ASTN2: variants seen among roughly 807,000 people sequenced by gnomAD.
ASTN2 encodes astrotactin 2.
A neutral mutation model predicts 139.8 loss-of-function variants in ASTN2; 54 were observed. That is an observed-to-expected ratio of 0.39 (90% CI 0.31 to 0.48). The LOEUF is 0.48. ASTN2 is among the 20% of genes least tolerant of loss of function. ASTN2 has a pLI of 0.95. For missense variants in ASTN2, 1,565 were observed against 1,725.1 expected, an observed-to-expected ratio of 0.91 and a Z score of 1.64; for synonymous variants, 756 against 719.5, an observed-to-expected ratio of 1.05 and a Z score of -0.81.
chr9:116,493,566 G>A (rs560602396), intron 19 of ASTN2, among the ~76,000 whole-genome samples: 86 of 152,086 alleles, frequency 5.7e-4, no homozygotes, highest in Non-Finnish European at 7.1e-4. Flanking sequence ...ACAAAGCATG[G>A]ATCAATTTTT....
intron 10 of ASTN2, among the ~76,000 whole-genome samples, chr9:116,909,889 T>C (rs747088971): frequency 1.1e-4 from 17 of 152,164 alleles, no homozygotes; most frequent in Non-Finnish European, 2.5e-4. Flanking sequence ...ATGGAGGTCA[T>C]TGGGAACATC....
At chr9:117,192,141 CAG>C (rs1831366181) in intron 3 of ASTN2, among the ~76,000 whole-genome samples, 1 of 152,064 alleles carries the variant, frequency 6.6e-6, no homozygotes. Flanking sequence ...GGATGGCTAT[CAG>C]GGGATGCCAA....
intron 13 of ASTN2, among the ~76,000 whole-genome samples, chr9:116,765,078 A>G (rs1458580113): frequency 6.6e-6 from 1 of 152,154 alleles, no homozygotes; most frequent in East Asian, 1.9e-4. Flanking sequence ...AATACGTGCT[A>G]ATGACAAATT....
Position 117,214,608 on chromosome 9 carries a change from G to A in ASTN2, c.765C>T (p.Ile255=), listed in dbSNP as rs1245102894. 1 of 1,596,672 alleles carries A rather than the reference G, an allele frequency of 6.3e-7. No individual in the cohort carries two copies. The highest frequency in any genetic ancestry group is 1.1e-5 in the South Asian group (1 of 90,118). The change falls in exon 3 of 23, where the codon ATC becomes ATT. Residue 255 remains isoleucine, a synonymous_variant. Coordinates refer to ENST00000313400, the MANE Select transcript of ASTN2 (RefSeq NM_001365068.1). ...CCTGGGGACCCAGCAGCACAGATGG[G>A]ATGTAGTGGATCTCATGAGTGGCTT... ...STEATHEIHY[I]PSVLLGPQAR...
intron 13 of ASTN2, among the ~76,000 whole-genome samples, chr9:116,747,707 A>G (rs879843914): frequency 3.4e-5 from 5 of 149,164 alleles, no homozygotes; most frequent in Non-Finnish European, 6.0e-5. Flanking sequence ...ACACACACAC[A>G]CACACACACA....
chr9:116,716,132 C>G (rs2132103087), intron 16 of ASTN2, among the ~76,000 whole-genome samples: 2 of 152,278 alleles, frequency 1.3e-5, no homozygotes, highest in South Asian at 4.2e-4. Context: ...GGCCCTGCAT[C>G]TCTGTCTGGG....
At chr9:116,890,934 C>T (rs7036698) in intron 10 of ASTN2, among the ~76,000 whole-genome samples, 6,566 of 152,166 alleles carry the variant, frequency 0.043, 267 homozygotes, top group Middle Eastern at 0.11. Context: ...TTGGTCTCAG[C>T]GGCCTCAAGG....
chr9:117,176,242 G>C (rs1028168051), intron 3 of ASTN2, among the ~76,000 whole-genome samples: 1 of 152,062 alleles, frequency 6.6e-6, no homozygotes, highest in East Asian at 1.9e-4. Context: ...ATTCATTGCT[G>C]GTGGAGTGTG....
intron 2 of ASTN2, among the ~76,000 whole-genome samples, chr9:117,253,321 G>A (rs1423421155): frequency 1.3e-5 from 2 of 152,192 alleles, no homozygotes; most frequent in African/African-American, 4.8e-5. Flanking sequence ...GAGCAAAGGA[G>A]GTGCTGGGTC....
chr9:116,907,965 C>T (rs1174054151), intron 10 of ASTN2, among the ~76,000 whole-genome samples: 1 of 152,136 alleles, frequency 6.6e-6, no homozygotes, highest in Non-Finnish European at 1.5e-5. Context: ...ACTAGGTCAG[C>T]TCTCAAGAAT....
chr9:117,180,239 T>A (rs1469296789), intron 3 of ASTN2, among the ~76,000 whole-genome samples: 1 of 152,238 alleles, frequency 6.6e-6, no homozygotes, highest in Non-Finnish European at 1.5e-5. Flanking sequence ...TTTCAGTGGC[T>A]CCCTGGGGCC....
chr9:117,318,632 C>T (rs1828223132), intron 1 of ASTN2, among the ~76,000 whole-genome samples: 1 of 152,094 alleles, frequency 6.6e-6, no homozygotes, highest in African/African-American at 2.4e-5. Flanking sequence ...TTGACACTCT[C>T]ACAGTCAGAC....
intron 5 of ASTN2, among the ~76,000 whole-genome samples, chr9:117,075,579 T>C (rs554499803): frequency 5.2e-4 from 79 of 152,208 alleles, no homozygotes; most frequent in Non-Finnish European, 8.5e-4. Context: ...GTCCAGACAC[T>C]ACAGGGAGAA....
At chr9:116,809,333 G>A (rs1831106764) in intron 12 of ASTN2, among the ~76,000 whole-genome samples, 1 of 151,560 alleles carries the variant, frequency 6.6e-6, no homozygotes, top group African/African-American at 2.4e-5. Context: ...TGAAGTGTCT[G>A]ACCTTTCAAC....
chr9:117,226,556 G>T (rs1433591468), intron 2 of ASTN2, among the ~76,000 whole-genome samples: 1 of 152,170 alleles, frequency 6.6e-6, no homozygotes, highest in Non-Finnish European at 1.5e-5. Flanking sequence ...TAAAGTAAAA[G>T]AAGTTTGCAG....
At chr9:117,065,120 A>T (rs1173526621) in intron 5 of ASTN2, among the ~76,000 whole-genome samples, 5 of 152,126 alleles carry the variant, frequency 3.3e-5, no homozygotes, top group Non-Finnish European at 7.3e-5. Context: ...CACATACAGG[A>T]CTAGGAACTT....
intron 3 of ASTN2, among the ~76,000 whole-genome samples, chr9:117,210,317 G>T (rs1252329867): frequency 1.3e-5 from 2 of 151,862 alleles, no homozygotes; most frequent in Non-Finnish European, 2.9e-5. Flanking sequence ...TAAGATAAAA[G>T]GAGAGAACAC....
chr9:117,003,887 C>G (rs1837267825), intron 7 of ASTN2, among the ~76,000 whole-genome samples: 1 of 150,988 alleles, frequency 6.6e-6, no homozygotes, highest in African/African-American at 2.4e-5. Context: ...TATAATCCCA[C>G]AAGGGCTTAC....
At chr9:117,041,326 A>G (rs1838563675) in intron 5 of ASTN2, among the ~76,000 whole-genome samples, 1 of 151,986 alleles carries the variant, frequency 6.6e-6, no homozygotes, top group African/African-American at 2.4e-5. Context: ...TTCTGTGGCT[A>G]TCCAATTAGA....
Sources: gnomAD v4.1 joint callset for allele counts (sites outside exome capture counted in the v4.1 genomes callset) on GRCh38, gnomAD v4.1.1 for gene constraint, MANE v1.5 for transcripts, NCBI Gene and HGNC (gene_info 2026-07-23, HGNC 2026-07-21) for gene names.